The following ITFG1 variants were observed in gnomAD, a reference collection of about 807,000 sequenced individuals.
The protein encoded by ITFG1 is integrin alpha FG-GAP repeat containing 1, also known as T-cell immunomodulatory protein.
ITFG1 carries 34 observed loss-of-function variants against 81.8 expected under a neutral mutation model. The observed-to-expected ratio is 0.42, with a 90% CI of 0.32 to 0.55. The LOEUF is 0.55. Among genes scored for constraint, ITFG1 ranks in the 20% least tolerant of loss-of-function variants. The probability of loss-of-function intolerance (pLI) is 0.17; values close to 1 mark genes in which losing one functional copy is unlikely to be tolerated. For missense variants in ITFG1, 672 were observed against 755.4 expected, an observed-to-expected ratio of 0.89 and a Z score of 1.29; for synonymous variants, 285 against 270.6, an observed-to-expected ratio of 1.05 and a Z score of -0.52.
At chr16:47,207,141 G>A (rs181237269) in intron 14 of ITFG1, among the ~76,000 whole-genome samples, 4 of 152,196 alleles carry the variant, frequency 2.6e-5, no homozygotes, top group African/African-American at 9.6e-5. Context: ...GGAGTGCAGT[G>A]GCGCCATCTC....
chr16:47,219,510 A>C (rs562105223), intron 13 of ITFG1, among the ~76,000 whole-genome samples: 19 of 152,298 alleles, frequency 1.2e-4, no homozygotes, highest in African/African-American at 4.6e-4. Context: ...AACATTCCTC[A>C]AACCTTGAAT....
chr16:47,229,865 C>T (rs901774745), intron 13 of ITFG1, among the ~76,000 whole-genome samples: 8 of 152,132 alleles, frequency 5.3e-5, no homozygotes, highest in African/African-American at 7.2e-5. Flanking sequence ...CGCTCATGTG[C>T]GGTTTCATGT....
At chr16:47,293,226 G>A (rs1257095742) in intron 10 of ITFG1, among the ~76,000 whole-genome samples, 4 of 127,276 alleles carry the variant, frequency 3.1e-5, no homozygotes, top group Non-Finnish European at 4.8e-5. Flanking sequence ...ATATAAATGT[G>A]ATATATATAT....
chr16:47,430,050 T>A (rs999854785), intron 5 of ITFG1, among the ~76,000 whole-genome samples: 1 of 151,150 alleles, frequency 6.6e-6, no homozygotes, highest in African/African-American at 2.4e-5. Flanking sequence ...GTTGTCTTTT[T>A]ACTTTTCTTT....
chr16:47,358,799 T>A (rs1968072991), intron 8 of ITFG1, among the ~76,000 whole-genome samples: 1 of 152,178 alleles, frequency 6.6e-6, no homozygotes. Context: ...TCATTAGTAT[T>A]TATAATGTGA....
In ITFG1 at chr16:47,459,174, T is replaced by A; in HGVS notation, c.210A>T (p.Arg70Ser). The change falls in exon 2 of 18, where the codon AGA (arginine) becomes AGT (serine). Residue 70 changes from arginine to serine, a missense_variant and splice_region_variant. By Grantham distance (110) the Arg-to-Ser change is moderately radical. Around this residue, in one of 3 missense-constraint regions of ITFG1, gnomAD observed 560 missense variants for 625.7 expected, o/e 0.90. Coordinates refer to ENST00000320640, the MANE Select transcript of ITFG1 (RefSeq NM_030790.5). ...KQTDLFVLRE[R>S]NDLIVFLADQ... ...CTGCCAAAAAGACGATTAAGTCATT[T>A]CCTAAAGAAAACAAATATATGATAT... 6.3e-7 allele frequency: 1 copy of A among 1,584,798 alleles called. No homozygotes were observed. Among genetic ancestry groups the A allele is most frequent in the Non-Finnish European group, 8.7e-7 (1 of 1,153,800 alleles).
chr16:47,325,930 C>T (rs560279494), intron 8 of ITFG1, among the ~76,000 whole-genome samples: 38 of 152,156 alleles, frequency 2.5e-4, no homozygotes, highest in Non-Finnish European at 4.7e-4. Flanking sequence ...TATGAAACTA[C>T]TCCAATCAAC....
chr16:47,326,378 A>G (rs529106093), intron 8 of ITFG1, among the ~76,000 whole-genome samples: 8 of 152,186 alleles, frequency 5.3e-5, no homozygotes, highest in Non-Finnish European at 7.4e-5. Context: ...TACTGAATGG[A>G]CAAAAACTGG....
intron 12 of ITFG1, among the ~76,000 whole-genome samples, chr16:47,241,885 C>T (rs965262660): frequency 4.0e-5 from 6 of 150,252 alleles, no homozygotes; most frequent in African/African-American, 7.4e-5. Flanking sequence ...ACCTGGGAGG[C>T]GGAGCTTGCA....
intron 10 of ITFG1, among the ~76,000 whole-genome samples, chr16:47,307,060 C>G (rs963368359): frequency 8.0e-6 from 1 of 125,176 alleles, no homozygotes; most frequent in Non-Finnish European, 1.6e-5. Flanking sequence ...CGCCACTGCA[C>G]TCCAGCCTGG....
intron 14 of ITFG1, among the ~76,000 whole-genome samples, chr16:47,199,280 C>CCAAACCAAAG (rs1182180866): frequency 6.6e-6 from 1 of 151,262 alleles, no homozygotes; most frequent in Non-Finnish European, 1.5e-5. Context: ...CCAAACCAAA[C>CCAAACCAAAG]CAAACCAAAC....
intron 6 of ITFG1, among the ~76,000 whole-genome samples, chr16:47,411,853 A>G (rs1262116431): frequency 6.6e-6 from 1 of 152,152 alleles, no homozygotes; most frequent in Non-Finnish European, 1.5e-5. Flanking sequence ...CAAACACAAA[A>G]GAGGCGCACT....
At chr16:47,234,281 G>A (rs541641322) in intron 13 of ITFG1, among the ~76,000 whole-genome samples, 51 of 152,018 alleles carry the variant, frequency 3.4e-4, no homozygotes, top group Admixed American at 2.1e-3. Context: ...AAGAAGAGAT[G>A]GTTAATGTAA....
At chr16:47,415,884 G>A (rs1968867732) in intron 6 of ITFG1, among the ~76,000 whole-genome samples, 1 of 152,006 alleles carries the variant, frequency 6.6e-6, no homozygotes, top group Non-Finnish European at 1.5e-5. Flanking sequence ...ACCTGAGGTT[G>A]GGAGTTCGAG....
At chr16:47,441,905 T>A (rs1250728890) in intron 5 of ITFG1, among the ~76,000 whole-genome samples, 1 of 152,232 alleles carries the variant, frequency 6.6e-6, no homozygotes, top group African/African-American at 2.4e-5. Flanking sequence ...TGTTTGCAGA[T>A]GACATGATTG....
intron 12 of ITFG1, among the ~76,000 whole-genome samples, chr16:47,244,591 TTGTG>T (rs57470225): frequency 0.039 from 4,601 of 118,020 alleles, 110 homozygotes; most frequent in Admixed American, 0.051. Flanking sequence ...ATTCCATCTT[TTGTG>T]TGTGTGTGTG....
chr16:47,340,197 A>G (rs956546778), intron 8 of ITFG1, among the ~76,000 whole-genome samples: 1 of 152,212 alleles, frequency 6.6e-6, no homozygotes, highest in African/African-American at 2.4e-5. Flanking sequence ...CTGCTATATG[A>G]GAAATGCTAA....
At chr16:47,375,994 A>C (rs1968319362) in intron 6 of ITFG1, 54 bp from the exon 7 acceptor site, 5 of 997,914 alleles carry the variant, frequency 5.0e-6, no homozygotes, top group Non-Finnish European at 7.7e-6. Context: ...TGATGTGTAC[A>C]TTTAAAAACA....
At chr16:47,253,710 TC>T in intron 12 of ITFG1, among the ~76,000 whole-genome samples, 1 of 152,270 alleles carries the variant, frequency 6.6e-6, no homozygotes, top group East Asian at 1.9e-4. Context: ...ACAATAGGCG[TC>T]GTGCTCCTAT....
Sources: allele counts gnomAD v4.1 joint callset (sites outside exome capture counted in the v4.1 genomes callset), GRCh38; gene constraint gnomAD v4.1.1; regional missense constraint gnomAD v4.1.1; transcripts MANE v1.5; gene names NCBI Gene and HGNC (gene_info 2026-07-23, HGNC 2026-07-21).